Variants in ROBO2 observed in about 807,000 individuals in gnomAD.
The protein encoded by ROBO2 is roundabout guidance receptor 2, also known as roundabout homolog 2.
In ROBO2, 53 loss-of-function variants were observed where a neutral mutation model predicts 160.8. The ratio of observed to expected loss-of-function variants is 0.33; its 90% confidence interval spans 0.26 to 0.41. The LOEUF (loss-of-function observed/expected upper bound fraction) is 0.41. ROBO2 is among the 10% of genes least tolerant of loss of function. ROBO2 has a pLI of 1.00. For synonymous variants in ROBO2, 664 were observed against 611.7 expected (o/e 1.09, Z -1.26); for missense variants, 1,577 against 1,722.4 (o/e 0.92, Z 1.49).
intron 2 of ROBO2, among the ~76,000 whole-genome samples, chr3:76,196,864 A>C (rs2107221241): frequency 6.6e-6 from 1 of 152,310 alleles, no homozygotes; most frequent in African/African-American, 2.4e-5. Flanking sequence ...ACCTCACTAT[A>C]AATGCTCACT....
At chr3:77,310,087 T>G (rs1455477664) in intron 2 of ROBO2, among the ~76,000 whole-genome samples, 1 of 152,094 alleles carries the variant, frequency 6.6e-6, no homozygotes, top group Admixed American at 6.6e-5. Flanking sequence ...CAAAGTTAGA[T>G]CCCCTCCTAG....
intron 25 of ROBO2, 116 bp downstream of exon 27, chr3:77,645,020 A>C: frequency 9.6e-7 from 1 of 1,037,128 alleles, no homozygotes; most frequent in African/African-American, 1.6e-5. Flanking sequence ...TTACAAAAAC[A>C]ATCAATTGCA....
At chr3:77,173,270 G>GA (rs1424022153) in intron 2 of ROBO2, among the ~76,000 whole-genome samples, 1 of 151,944 alleles carries the variant, frequency 6.6e-6, no homozygotes, top group Non-Finnish European at 1.5e-5. Context: ...AGTTTGATTT[G>GA]AAAAAAGAGA....
intron 2 of ROBO2, among the ~76,000 whole-genome samples, chr3:76,956,450 G>T (rs566562104): frequency 6.6e-6 from 1 of 151,828 alleles, no homozygotes; most frequent in Admixed American, 6.6e-5. Flanking sequence ...CCAGCTACTC[G>T]GGAGGCTGAG....
At position 76,202,367 on chromosome 3, in the gene ROBO2, CTG is replaced by C. The variant is rs797007699; in HGVS notation, c.109+264767_109+264768del. ...TACCACACATGAAATGAATATAAAA[CTG>C]TAGGAAACGCGGATTGATGAACATG... On this transcript the variant is annotated intron_variant, in intron 2 of 26. Coordinates refer to the ROBO2 transcript ENST00000487694. Among the ~76,000 whole-genome samples the C allele has an allele frequency of 5.8e-4, 88 of 152,250 alleles. 2 individuals are homozygous for C. Among genetic ancestry groups the C allele is most frequent in the African/African-American group, 2.0e-3 (84 of 41,544 alleles).
At chr3:77,320,667 G>T (rs559353572) in intron 2 of ROBO2, among the ~76,000 whole-genome samples, 2 of 151,912 alleles carry the variant, frequency 1.3e-5, no homozygotes, top group Admixed American at 1.3e-4. Flanking sequence ...CAAGGGAGAG[G>T]ACTTGTTGAA....
intron 2 of ROBO2, among the ~76,000 whole-genome samples, chr3:76,094,846 G>A (rs1206764694): frequency 1.3e-5 from 2 of 152,242 alleles, no homozygotes; most frequent in East Asian, 1.9e-4. Flanking sequence ...TTTCCAAATA[G>A]AAATAAATTG....
At chr3:76,727,183 T>A (rs908548831) in intron 2 of ROBO2, among the ~76,000 whole-genome samples, 4 of 152,210 alleles carry the variant, frequency 2.6e-5, no homozygotes, top group African/African-American at 9.6e-5. Flanking sequence ...CTGTTTCTCT[T>A]TTCATGATGT....
chr3:76,805,726 A>G (rs2064648257), intron 2 of ROBO2, among the ~76,000 whole-genome samples: 1 of 151,234 alleles, frequency 6.6e-6, no homozygotes. Context: ...ACCTACTGGT[A>G]TTTATATATC....
chr3:76,203,955 A>G (rs1031213801), intron 2 of ROBO2, among the ~76,000 whole-genome samples: 1 of 152,198 alleles, frequency 6.6e-6, no homozygotes, highest in Non-Finnish European at 1.5e-5. Context: ...TGAACCAGGC[A>G]TTGCATTTTC....
chr3:77,231,249 G>T (rs1475065061), intron 2 of ROBO2, among the ~76,000 whole-genome samples: 1 of 150,904 alleles, frequency 6.6e-6, no homozygotes, highest in Non-Finnish European at 1.5e-5. Flanking sequence ...TGTAATTCCA[G>T]CTACTCTGGA....
chr3:76,707,266 CT>C (rs2093184200), intron 2 of ROBO2, among the ~76,000 whole-genome samples: 1 of 152,052 alleles, frequency 6.6e-6, no homozygotes, highest in East Asian at 1.9e-4. Context: ...ATAATGTGCA[CT>C]GTTTCCCTAT....
intron 2 of ROBO2, among the ~76,000 whole-genome samples, chr3:76,229,344 G>A (rs1406486708): frequency 1.3e-5 from 2 of 151,880 alleles, no homozygotes; most frequent in Non-Finnish European, 2.9e-5. Flanking sequence ...AATGAAACTA[G>A]ACCAGTTTAG....
At chr3:77,040,407 C>A (rs751677572) in exon 1 of ROBO2, 14 of 1,033,436 alleles carry the variant, frequency 1.4e-5, no homozygotes, top group Non-Finnish European at 1.6e-5. Flanking sequence ...GGAATTAGGT[C>A]TTTTCCTCCC....
At chr3:75,955,721 A>C (rs1559781828) in intron 2 of ROBO2, among the ~76,000 whole-genome samples, 1 of 151,732 alleles carries the variant, frequency 6.6e-6, no homozygotes, top group Non-Finnish European at 1.5e-5. Flanking sequence ...TTTTGGGTTT[A>C]TGAGGCTTCC....
intron 2 of ROBO2, among the ~76,000 whole-genome samples, chr3:76,354,842 G>A (rs1451655575): frequency 6.6e-6 from 1 of 151,750 alleles, no homozygotes; most frequent in Non-Finnish European, 1.5e-5. Flanking sequence ...TACCTGCCAT[G>A]GACTTTTTAT....
intron 4 of ROBO2, among the ~76,000 whole-genome samples, chr3:77,489,604 T>C (rs1276165969): frequency 6.6e-6 from 1 of 152,172 alleles, no homozygotes; most frequent in Non-Finnish European, 1.5e-5. Flanking sequence ...TTTTGAGACA[T>C]CTCTGATGTA....
intron 2 of ROBO2, among the ~76,000 whole-genome samples, chr3:76,732,698 G>A (rs184937430): frequency 2.7e-4 from 41 of 152,242 alleles, no homozygotes; most frequent in Non-Finnish European, 5.6e-4. Flanking sequence ...GTGATGAAGC[G>A]GTCTGAGTGT....
chr3:76,922,343 T>C (rs1341669481), intron 2 of ROBO2, among the ~76,000 whole-genome samples: 2 of 152,060 alleles, frequency 1.3e-5, no homozygotes, highest in Non-Finnish European at 2.9e-5. Context: ...CAAGTTATGG[T>C]GATGGGAACT....
Sources: allele counts gnomAD v4.1 joint callset (sites outside exome capture counted in the v4.1 genomes callset), GRCh38; gene constraint gnomAD v4.1.1; transcripts MANE v1.5; gene names NCBI Gene and HGNC (gene_info 2026-07-23, HGNC 2026-07-21).